The following PARN variants were observed in gnomAD, a reference collection of about 807,000 sequenced individuals.
The protein encoded by PARN is poly(A)-specific ribonuclease.
In PARN, 71 loss-of-function variants were observed where a neutral mutation model predicts 102.8. The ratio of observed to expected loss-of-function variants is 0.69; its 90% CI spans 0.57 to 0.84. The LOEUF is 0.84. Ranked by LOEUF, PARN falls within the 40% of genes least tolerant of loss-of-function variation. PARN has a pLI of 0.00. For missense variants in PARN, 782 were observed against 760.9 expected, an observed-to-expected ratio of 1.03 and a Z score of -0.33; for synonymous variants, 261 against 252.9, an observed-to-expected ratio of 1.03 and a Z score of -0.30.
At chr16:14,599,804 C>T in intron 12 of PARN, 100 bp downstream of exon 12, 1 of 707,016 alleles carries the variant, frequency 1.4e-6, no homozygotes, top group African/African-American at 1.8e-5. Flanking sequence ...TCTAGGTAAA[C>T]ATTCTAAAGG....
Position 14,554,052 on chromosome 16 carries a change from A to C in PARN, c.1405+13T>G, listed in dbSNP as rs755334130. 6.9e-6 allele frequency: 11 copies of C among 1,583,886 alleles called. No individual in the cohort carries two copies. In the East Asian group the frequency reaches 2.5e-4, roughly 35 times the overall value. ...GCAAAACCCTAAAAAGTACATCTGAACTTGCGACTTACCAAAGGCACTGAA... is the reference window on the plus strand; with the variant it reads ...GCAAAACCCTAAAAAGTACATCTGACCTTGCGACTTACCAAAGGCACTGAA... On this transcript the variant is annotated intron_variant, in intron 20 of 23. Coordinates refer to ENST00000437198, the MANE Select transcript of PARN (RefSeq NM_002582.4).
intron 12 of PARN, among the ~76,000 whole-genome samples, chr16:14,594,909 T>A (rs776455698): frequency 2.6e-5 from 4 of 152,204 alleles, no homozygotes; most frequent in Non-Finnish European, 5.9e-5. Context: ...TACGCTAAAA[T>A]AATGAGCATT....
chr16:14,487,558 T>C (rs1007867838), intron 21 of PARN, among the ~76,000 whole-genome samples: 1 of 152,244 alleles, frequency 6.6e-6, no homozygotes. Flanking sequence ...AGCAAAAATA[T>C]TCCAACATTT....
chr16:14,442,367 T>C (rs1467592086), intron 23 of PARN, among the ~76,000 whole-genome samples: 2 of 152,166 alleles, frequency 1.3e-5, no homozygotes, highest in South Asian at 2.1e-4. Flanking sequence ...GCAGAGTAGT[T>C]TTCCTTTGCG....
intron 20 of PARN, among the ~76,000 whole-genome samples, chr16:14,552,817 G>A (rs750634286): frequency 1.3e-5 from 2 of 151,982 alleles, no homozygotes; most frequent in African/African-American, 2.4e-5. Context: ...GCATGGTGGC[G>A]CATGCCTGTA....
At chr16:14,592,954 G>A (rs182341327) in intron 13 of PARN, among the ~76,000 whole-genome samples, 2 of 152,218 alleles carry the variant, frequency 1.3e-5, no homozygotes, top group East Asian at 1.9e-4. Context: ...TGGCCAATAT[G>A]GTGAAACCCC....
chr16:14,575,664 G>T (rs935884282), intron 18 of PARN, among the ~76,000 whole-genome samples: 1 of 152,174 alleles, frequency 6.6e-6, no homozygotes, highest in Non-Finnish European at 1.5e-5. Flanking sequence ...TGATTCAAAT[G>T]AGAGTTTGGA....
intron 14 of PARN, among the ~76,000 whole-genome samples, chr16:14,585,383 T>C (rs1020791921): frequency 6.7e-6 from 1 of 148,416 alleles, no homozygotes; most frequent in Admixed American, 6.7e-5. Flanking sequence ...TTTTTTTTTT[T>C]TCATATAAAT....
intron 21 of PARN, among the ~76,000 whole-genome samples, chr16:14,515,694 G>A (rs937138363): frequency 2.6e-5 from 4 of 152,044 alleles, no homozygotes; most frequent in South Asian, 2.1e-4. Flanking sequence ...CTAGCTACTC[G>A]AGAGGCTGAG....
At chr16:14,595,840 A>AT (rs920123903) in intron 12 of PARN, among the ~76,000 whole-genome samples, 59 of 150,706 alleles carry the variant, frequency 3.9e-4, no homozygotes, top group African/African-American at 1.4e-3. Flanking sequence ...CAATTTTTAC[A>AT]TTTTTTGTAG....
intron 13 of PARN, chr16:14,591,771 C>T (rs1363310060): frequency 6.6e-6 from 1 of 152,194 alleles, no homozygotes; most frequent in Non-Finnish European, 1.5e-5. Flanking sequence ...GGCATAGTGG[C>T]TCACACCTGT....
In PARN at chr16:14,556,965, C is replaced by T. The variant is rs562552868; in HGVS notation, c.1263-1256G>A. 1.1e-3 allele frequency among the ~76,000 whole-genome samples: 168 copies of T among 152,246 alleles called. 1 individual carries two copies. Among genetic ancestry groups the T allele is most frequent in the Non-Finnish European group, 1.9e-3 (126 of 68,030 alleles). ...ACTATCACACTAATATAAATCATAG[C>T]AGTCATTTTATGTTTATCTTCCAAA... On this transcript the variant is annotated intron_variant, in intron 18 of 23. Transcript: ENST00000437198.
At chr16:14,501,435 C>CTAAAAAAAAAAAAA (rs1964593234) in intron 21 of PARN, 1 of 27,592 alleles carries the variant, frequency 3.6e-5, no homozygotes, top group East Asian at 2.7e-3. Context: ...CAAGACTGTC[C>CTAAAAAAAAAAAAA]AAAAAAAAAA....
At chr16:14,580,327 G>A (rs1969446363) in intron 18 of PARN, among the ~76,000 whole-genome samples, 2 of 149,948 alleles carry the variant, frequency 1.3e-5, no homozygotes, top group Admixed American at 1.3e-4. Context: ...TTGCTGTGTT[G>A]CCCAGGCTGC....
intron 5 of PARN, among the ~76,000 whole-genome samples, chr16:14,621,710 C>G (rs1972309310): frequency 6.6e-6 from 1 of 151,180 alleles, no homozygotes; most frequent in African/African-American, 2.4e-5. Context: ...ACTTGGGAGG[C>G]TGAGGCAGGA....
At chr16:14,484,397 C>G (rs371362616) in intron 21 of PARN, among the ~76,000 whole-genome samples, 3 of 152,214 alleles carry the variant, frequency 2.0e-5, no homozygotes, top group South Asian at 4.1e-4. Flanking sequence ...CTGCCAACAA[C>G]TATTACCCAC....
chr16:14,589,725 G>A (rs1255213099), intron 13 of PARN, among the ~76,000 whole-genome samples: 1 of 152,010 alleles, frequency 6.6e-6, no homozygotes, highest in Non-Finnish European at 1.5e-5. Flanking sequence ...AATTAGCCAG[G>A]CATGGTGGCA....
chr16:14,609,261 T>G (rs1971373196), intron 7 of PARN, 138 bp from the exon 8 acceptor site: 1 of 583,004 alleles, frequency 1.7e-6, no homozygotes, highest in Non-Finnish European at 3.0e-6. Context: ...CCTAGAAATT[T>G]TAGTTCAAAG....
At chr16:14,599,750 A>G (rs1366842561) in intron 12 of PARN, among the ~76,000 whole-genome samples, 154 bp downstream of exon 12, 1 of 152,210 alleles carries the variant, frequency 6.6e-6, no homozygotes, top group East Asian at 1.9e-4. Context: ...CAAGTGCATT[A>G]TAACAACAGT....
Sources: gnomAD v4.1 joint callset for allele counts (sites outside exome capture counted in the v4.1 genomes callset) on GRCh38, gnomAD v4.1.1 for gene constraint, MANE v1.5 for transcripts, NCBI Gene and HGNC (gene_info 2026-07-23, HGNC 2026-07-21) for gene names.